Variants in HS2ST1 observed in about 807,000 individuals in gnomAD.
HS2ST1 encodes the protein 2-O-sulfotransferase.
A neutral mutation model predicts 42.9 loss-of-function variants in HS2ST1; 18 were observed. The observed-to-expected ratio is 0.42, with a 90% CI of 0.29 to 0.62. The LOEUF (loss-of-function observed/expected upper bound fraction) is 0.62. Among genes scored for constraint, HS2ST1 ranks in the 20% least tolerant of loss-of-function variants. The pLI is 0.21. For missense variants in HS2ST1, 334 were observed against 433.8 expected (o/e 0.77, Z 2.04); for synonymous variants, 146 against 152.9 (o/e 0.95, Z 0.33).
chr1:87,007,272 A>G (rs919813747), intron 1 of HS2ST1, among the ~76,000 whole-genome samples: 1 of 152,140 alleles, frequency 6.6e-6, no homozygotes, highest in Admixed American at 6.5e-5. Context: ...ACACATATTC[A>G]TATAACATCC....
intron 1 of HS2ST1, among the ~76,000 whole-genome samples, chr1:86,987,068 GTT>G (rs11423322): frequency 1.4e-4 from 17 of 117,246 alleles, no homozygotes; most frequent in African/African-American, 4.3e-4. Flanking sequence ...TGATAGCCAG[GTT>G]TTTTTTTTTT....
chr1:87,025,495 G>C (rs1650060613), intron 1 of HS2ST1, among the ~76,000 whole-genome samples: 2 of 152,136 alleles, frequency 1.3e-5, no homozygotes, highest in Non-Finnish European at 2.9e-5. Flanking sequence ...GAGTATAAAA[G>C]GGTAAATTTG....
rs535697157 is a variant in HS2ST1, at chr1:87,081,594, T to C, written c.364-2600T>C. On this transcript the variant is annotated intron_variant, in intron 2 of 6. Coordinates refer to ENST00000370550, the MANE Select transcript of HS2ST1 (RefSeq NM_012262.4). ...GCCTATATCAAAAAAGTAGACAAAC[T>C]TCAAATAAACAACCTAGTGTTGCAT... 3.3e-5 allele frequency among the ~76,000 whole-genome samples: 5 copies of C among 151,884 alleles called. No individual in the cohort carries two copies. In the South Asian group the frequency reaches 1.0e-3, roughly 32 times the overall value.
rs1256210106 is a variant in HS2ST1, at chr1:86,985,453, C to CACACGTATATACACATATAT, written c.124+70297_124+70298insGTATATACACATATATACAC. Among the ~76,000 whole-genome samples, 301 of 61,606 alleles carry CACACGTATATACACATATAT rather than the reference C, an allele frequency of 4.9e-3. 14 individuals carry two copies. Among genetic ancestry groups the CACACGTATATACACATATAT allele is most frequent in the Middle Eastern group, 0.048 (6 of 124 alleles). The allele number at this position is 61,606 out of a possible 152,430, so 40.4% of individuals were successfully genotyped here. Reference sequence around the variant, plus strand: ...ATACACACATATATACACATATATACACACATATATACACATATATACACA... The same window carrying CACACGTATATACACATATAT: ...ATACACACATATATACACATATATACACACGTATATACACATATATACACATATATACACATATATACACA... On this transcript the variant is annotated intron_variant, in intron 1 of 6. Transcript: ENST00000370550.
At chr1:86,994,458 A>G (rs1649040213) in intron 1 of HS2ST1, among the ~76,000 whole-genome samples, 1 of 152,154 alleles carries the variant, frequency 6.6e-6, no homozygotes, top group Admixed American at 6.5e-5. Flanking sequence ...TAGTGAAAAC[A>G]CCTCTGAGTG....
intron 1 of HS2ST1, among the ~76,000 whole-genome samples, chr1:87,068,671 A>C (rs1651316015): frequency 6.6e-6 from 1 of 152,088 alleles, no homozygotes; most frequent in Non-Finnish European, 1.5e-5. Flanking sequence ...TTTAAACTTA[A>C]CTATTAATAG....
intron 1 of HS2ST1, among the ~76,000 whole-genome samples, chr1:86,961,072 C>T (rs544771085): frequency 1.5e-4 from 22 of 151,528 alleles, no homozygotes; most frequent in African/African-American, 4.1e-4. Flanking sequence ...CCAGACGATG[C>T]AATATTATCT....
At chr1:87,034,201 G>A (rs1650314835) in intron 1 of HS2ST1, among the ~76,000 whole-genome samples, 1 of 152,106 alleles carries the variant, frequency 6.6e-6, no homozygotes, top group East Asian at 1.9e-4. Flanking sequence ...CAGTGAGGAA[G>A]GTCACAGTAA....
intron 1 of HS2ST1, among the ~76,000 whole-genome samples, chr1:86,942,920 A>AT (rs143439624): frequency 3.3e-5 from 5 of 151,708 alleles, no homozygotes; most frequent in South Asian, 4.2e-4. Flanking sequence ...GTCATCCTTG[A>AT]TTTTTTTTCC....
chr1:86,974,488 T>G (rs1648335408), intron 1 of HS2ST1, among the ~76,000 whole-genome samples: 1 of 152,194 alleles, frequency 6.6e-6, no homozygotes, highest in African/African-American at 2.4e-5. Context: ...CTGAGTTTTG[T>G]GAATTGTCAT....
chr1:86,969,450 C>G (rs1648164925), intron 1 of HS2ST1, among the ~76,000 whole-genome samples: 2 of 152,108 alleles, frequency 1.3e-5, no homozygotes, highest in Admixed American at 1.3e-4. Context: ...TCCTTCTCAG[C>G]TAATTTCATG....
At chr1:86,968,994 T>C (rs139920083) in intron 1 of HS2ST1, among the ~76,000 whole-genome samples, 3 of 152,352 alleles carry the variant, frequency 2.0e-5, no homozygotes, top group South Asian at 2.1e-4. Flanking sequence ...AATATTTTCA[T>C]GAAGTTATTC....
At chr1:87,019,091 T>G (rs1649847374) in intron 1 of HS2ST1, among the ~76,000 whole-genome samples, 1 of 152,240 alleles carries the variant, frequency 6.6e-6, no homozygotes, top group Admixed American at 6.5e-5. Context: ...ACTAGAATTT[T>G]AGATTTATCA....
intron 1 of HS2ST1, chr1:87,046,194 A>G (rs1650659466): frequency 2.3e-6 from 2 of 859,250 alleles, no homozygotes; most frequent in Non-Finnish European, 3.9e-6. Flanking sequence ...TGTTCCTCTT[A>G]TTGAAAGTGG....
Position 86,921,213 on chromosome 1 carries a change from AT to A in HS2ST1, c.124+6060del, listed in dbSNP as rs1419534980. Among the ~76,000 whole-genome samples the A allele has an allele frequency of 3.9e-5, 6 of 151,924 alleles. No homozygotes were observed. The East Asian group carries it at 1.2e-3, about 29-fold the overall frequency. ...ATTGTTATGGTGTTTTGTATTCTTGATTTTTTTCTGCCTCTTCATCAGTTAT... is the reference window on the plus strand; with the variant it reads ...ATTGTTATGGTGTTTTGTATTCTTGATTTTTTCTGCCTCTTCATCAGTTAT... On this transcript the variant is annotated intron_variant, in intron 1 of 6. Transcript: ENST00000370550.
intron 1 of HS2ST1, among the ~76,000 whole-genome samples, chr1:87,040,085 G>T (rs76890021): frequency 0.024 from 3,657 of 152,266 alleles, 47 homozygotes; most frequent in South Asian, 0.053. Context: ...AAAACAAGCA[G>T]ATTTCTTTGG....
chr1:87,072,863 C>A, intron 1 of HS2ST1, 71 bp from the exon 2 acceptor site: 1 of 1,047,414 alleles, frequency 9.5e-7, no homozygotes, highest in Non-Finnish European at 1.4e-6. Context: ...TAATCATGGT[C>A]CAAAGTTCAG....
intron 1 of HS2ST1, among the ~76,000 whole-genome samples, chr1:86,923,046 G>T (rs1660333728): frequency 6.6e-6 from 1 of 152,068 alleles, no homozygotes. Context: ...TGTTGTTTTA[G>T]ATAGTTTTTA....
chr1:86,967,556 T>C (rs952632085), intron 1 of HS2ST1, among the ~76,000 whole-genome samples: 13 of 152,256 alleles, frequency 8.5e-5, no homozygotes, highest in Non-Finnish European at 1.3e-4. Flanking sequence ...GGTATTTGGT[T>C]GTCCATTCCT....
Sources: gnomAD v4.1 joint callset for allele counts (sites outside exome capture counted in the v4.1 genomes callset) on GRCh38, gnomAD v4.1.1 for gene constraint, MANE v1.5 for transcripts, NCBI Gene and HGNC (gene_info 2026-07-23, HGNC 2026-07-21) for gene names.